Variants in TCOF1 observed in about 807,000 individuals in gnomAD.
The protein encoded by TCOF1 is treacle protein.
A neutral mutation model predicts 149.0 loss-of-function variants in TCOF1; 33 were observed. That is an observed-to-expected ratio of 0.22 (90% CI 0.17 to 0.30). The LOEUF (loss-of-function observed/expected upper bound fraction) is 0.30. Among genes scored for constraint, TCOF1 ranks in the 10% least tolerant of loss-of-function variants. The pLI is 1.00. For synonymous variants in TCOF1, 789 were observed against 738.8 expected, an observed-to-expected ratio of 1.07 and a Z score of -1.10; for missense variants, 1,728 against 1,840.7, an observed-to-expected ratio of 0.94 and a Z score of 1.12.
At chr5:150,381,950 CTT>C (rs1384304533) in intron 17 of TCOF1, among the ~76,000 whole-genome samples, 1 of 152,186 alleles carries the variant, frequency 6.6e-6, no homozygotes, top group Non-Finnish European at 1.5e-5. Flanking sequence ...AATCCCAGCA[CTT>C]TGGGAGGCTG....
chr5:150,361,080 T>C, intron 1 of TCOF1, 76 bp from the exon 2 acceptor site: 1 of 1,592,642 alleles, frequency 6.3e-7, no homozygotes, highest in Admixed American at 1.7e-5. Context: ...AGTCATGAGT[T>C]TGGGGAGATC....
At chr5:150,387,056 C>T (rs1405900493) in intron 17 of TCOF1, among the ~76,000 whole-genome samples, 2 of 152,240 alleles carry the variant, frequency 1.3e-5, no homozygotes, top group Non-Finnish European at 2.9e-5. Context: ...CTCAGTTCCC[C>T]AACGCCCCTG....
chr5:150,359,404 CT>C (rs1401767359), intron 1 of TCOF1, among the ~76,000 whole-genome samples: 1 of 151,956 alleles, frequency 6.6e-6, no homozygotes, highest in Admixed American at 6.5e-5. Context: ...CCAGATGCCC[CT>C]GGGGAGATGG....
rs201814217 is a variant in TCOF1, at chr5:150,388,095, G to A, written c.3046+7G>A. 4.8e-5 allele frequency: 78 copies of A among 1,613,040 alleles called. 1 individual carries two copies. Among genetic ancestry groups the A allele is most frequent in the African/African-American group, 1.9e-4 (14 of 74,938 alleles). ...ACACAGTGCTTGACTCCTGGTGAGC[G>A]CAGCCCTTATGCAGTGGTGGGAGGG... On this transcript the variant is annotated splice_region_variant and intron_variant, in intron 18 of 26. Transcript: ENST00000643257.
chr5:150,375,448 C>T lies in TCOF1; in HGVS notation c.1598C>T (p.Thr533Ile), dbSNP rs377521530. 83 of 1,613,632 alleles carry T rather than the reference C, an allele frequency of 5.1e-5. No individual in the cohort carries two copies. Among genetic ancestry groups the T allele is most frequent in the Non-Finnish European group, 6.6e-5 (78 of 1,179,816 alleles). Residue 533 changes from threonine (T) to isoleucine (I), a missense_variant, in exon 11 of 27, where the codon ACC becomes ATC. This residue lies in a region of TCOF1 where 1,696 missense variants were observed against 1,765.4 expected (regional missense o/e 0.96). Transcript: ENST00000643257. ...PVPPGKVGPA[T>I]PSAQVGKWEE... is the part of the protein sequence containing the mutation. ...CCACCCGGGAAGGTGGGGCCTGCAACCCCCTCAGCCCAGGTGGGGAAGTGG... is the reference window on the plus strand; with the variant it reads ...CCACCCGGGAAGGTGGGGCCTGCAATCCCCTCAGCCCAGGTGGGGAAGTGG...
At chr5:150,381,073 G>T (rs573479547) in intron 17 of TCOF1, among the ~76,000 whole-genome samples, 14 of 152,210 alleles carry the variant, frequency 9.2e-5, no homozygotes, top group African/African-American at 3.4e-4. Context: ...GTAGCAAGTA[G>T]GGCAGACCGG....
chr5:150,382,242 C>G (rs1440743628), intron 17 of TCOF1, among the ~76,000 whole-genome samples: 1 of 152,156 alleles, frequency 6.6e-6, no homozygotes. Flanking sequence ...TAGCCATAGA[C>G]AAGAGGCCGG....
intron 8 of TCOF1, 55 bp from the exon 9 acceptor site, chr5:150,374,562 G>T: frequency 6.2e-7 from 1 of 1,610,436 alleles, no homozygotes; most frequent in Non-Finnish European, 8.5e-7. Flanking sequence ...GTGGTGTCCT[G>T]TGTCTCCTCA....
intron 23 of TCOF1, among the ~76,000 whole-genome samples, chr5:150,395,418 C>G (rs1361528000): frequency 2.0e-5 from 3 of 152,170 alleles, no homozygotes; most frequent in Non-Finnish European, 4.4e-5. Flanking sequence ...AGTCATGGGG[C>G]TTTCAGCTGC....
rs1482928542 is a variant in TCOF1, at chr5:150,378,981, T to C, written c.2417T>C (p.Ile806Thr). 2 of 1,614,098 alleles carry C rather than the reference T, an allele frequency of 1.2e-6. No homozygotes were observed. The highest frequency in any genetic ancestry group is 1.7e-6 in the Non-Finnish European group (2 of 1,180,018). ...AGAGCACCTTCAGCAAAAGGGACAA[T>C]TTCAGCCCCTGGAAAAGTTGTCACT... ...AARAPSAKGT[I>T]SAPGKVVTAA... The change falls in exon 15 of 27, where the codon ATT becomes ACT. Residue 806 changes from isoleucine (I) to threonine (T), a missense_variant. Transcript: ENST00000643257.
rs1373181347 is a variant in TCOF1 at position 150,362,264 on chromosome 5, TC to T, written c.164+1054del. On this transcript the variant is annotated intron_variant, in intron 2 of 26. Transcript: ENST00000643257. ...TATGTACTCTTCAAGGAAGGGGGAA[TC>T]ATCCAAGGATATATCAACAGAGGAA... Among the ~76,000 whole-genome samples, 4 of 152,182 alleles carry T rather than the reference TC, an allele frequency of 2.6e-5. No individual in the cohort carries two copies. In the East Asian group the frequency reaches 7.7e-4, roughly 29 times the overall value.
chr5:150,398,453 TAG>T lies in TCOF1; in HGVS notation c.4443+7_4443+8del. 1 of 1,613,484 alleles carries T rather than the reference TAG, an allele frequency of 6.2e-7. No individual in the cohort carries two copies. The highest frequency in any genetic ancestry group is 8.5e-7 in the Non-Finnish European group (1 of 1,179,868). On this transcript the variant is annotated splice_donor_region_variant and intron_variant, in intron 25 of 26. Transcript: ENST00000643257. ...TCCCAGAAGAAAAAGAAGAAAAAGG[TAG>T]AGAGTTCCTGGGGTGTCTCAGGCCA...
At position 150,388,066 on chromosome 5, in the gene TCOF1, C is replaced by G. The variant is rs1347933520; in HGVS notation, c.3024C>G (p.Pro1008=). The G allele has an allele frequency of 6.2e-7, 1 of 1,613,486 alleles. No homozygotes were observed. The highest frequency in any genetic ancestry group is 8.5e-7 in the Non-Finnish European group (1 of 1,179,996). The change falls in exon 18 of 27, where the codon CCC becomes CCG. Residue 1008 remains proline (P), a synonymous_variant. Coordinates refer to ENST00000643257, the MANE Select transcript of TCOF1 (RefSeq NM_001371623.1). The part of the protein sequence containing the change: ...SSESEDEDVI[P]ATQCLTPGIR... ...AGAGCGAGGATGAGGACGTGATCCCCGCTACACAGTGCTTGACTCCTGGTG... is the reference window on the plus strand; with the variant it reads ...AGAGCGAGGATGAGGACGTGATCCCGGCTACACAGTGCTTGACTCCTGGTG...
chr5:150,375,169 G>A lies in TCOF1; in HGVS notation c.1488+6G>A. On this transcript the variant is annotated splice_donor_region_variant and intron_variant, in intron 10 of 26. Coordinates refer to ENST00000643257, the MANE Select transcript of TCOF1 (RefSeq NM_001371623.1). ...CAGCCATGAATGCAGCTCAGGTGAGGCTGGAAGCCGCCCTGCATGGCCTGT... is the reference window on the plus strand; with the variant it reads ...CAGCCATGAATGCAGCTCAGGTGAGACTGGAAGCCGCCCTGCATGGCCTGT... 6.2e-7 allele frequency: 1 copy of A among 1,613,298 alleles called. No individual in the cohort carries two copies.
intron 3 of TCOF1, among the ~76,000 whole-genome samples, chr5:150,365,419 A>G (rs924592643): frequency 1.3e-5 from 2 of 152,106 alleles, no homozygotes; most frequent in African/African-American, 4.8e-5. Context: ...TATAAATGCA[A>G]AACGAGTTCA....
Position 150,369,526 on chromosome 5 carries a change from C to A in TCOF1, c.566-3C>A. 6.2e-7 allele frequency: 1 copy of A among 1,614,108 alleles called. No individual in the cohort carries two copies. Among genetic ancestry groups the A allele is most frequent in the Non-Finnish European group, 8.5e-7 (1 of 1,180,014 alleles). On this transcript the variant is annotated splice_region_variant and splice_polypyrimidine_tract_variant and intron_variant, in intron 5 of 26. Coordinates refer to ENST00000643257, the MANE Select transcript of TCOF1 (RefSeq NM_001371623.1). ...CTCAGTCCCCTCCGTGTCCGATCCT[C>A]AGGGATGGTGTCAGCGGGCCAGGCC...
chr5:150,363,060 A>T (rs1471096385), intron 2 of TCOF1, among the ~76,000 whole-genome samples: 1 of 152,150 alleles, frequency 6.6e-6, no homozygotes, highest in East Asian at 1.9e-4. Context: ...TGAGGGTTAG[A>T]CACAGTGCTC....
Position 150,375,915 on chromosome 5 carries a change from G to A in TCOF1, c.1893+6G>A. On this transcript the variant is annotated splice_donor_region_variant and intron_variant, in intron 12 of 26. Transcript: ENST00000643257. Reference sequence around the variant, plus strand: ...CAGCCATGACTGCAGCTCAGGTGAGGCCTGGGGAAGGAGGCTGCTACATGG... The same window carrying A: ...CAGCCATGACTGCAGCTCAGGTGAGACCTGGGGAAGGAGGCTGCTACATGG... 1 of 1,614,210 alleles carries A rather than the reference G, an allele frequency of 6.2e-7. No homozygotes were observed. The highest frequency in any genetic ancestry group is 8.5e-7 in the Non-Finnish European group (1 of 1,180,044).
chr5:150,369,588 G>C lies in TCOF1; in HGVS notation c.625G>C (p.Glu209Gln). The change falls in exon 6 of 27, where the codon GAG (glutamate) becomes CAG (glutamine). Residue 209 changes from glutamate to glutamine, a missense_variant. Physicochemically the swap from Glu to Gln is conservative, Grantham distance 29 (BLOSUM62 2). Transcript: ENST00000643257. The part of the protein sequence containing the change: ...SSEDTSSSSD[E>Q]TDVEGKPSVK... The stretch of plus-strand genomic sequence containing the variant: ...CGAGGACACCTCCAGCTCCAGTGAT[G>C]AGACAGACGTGGAGGTAATTGCCAC... 1 of 1,614,156 alleles carries C rather than the reference G, an allele frequency of 6.2e-7. No homozygotes were observed. The highest frequency in any genetic ancestry group is 8.5e-7 in the Non-Finnish European group (1 of 1,180,036).
Sources: allele counts gnomAD v4.1 joint callset (sites outside exome capture counted in the v4.1 genomes callset), GRCh38; gene constraint gnomAD v4.1.1; regional missense constraint gnomAD v4.1.1; transcripts MANE v1.5; gene names NCBI Gene and HGNC (gene_info 2026-07-23, HGNC 2026-07-21).